CHL1: variants seen among roughly 807,000 people sequenced by gnomAD.
CHL1 encodes cell adhesion molecule L1 like.
In CHL1, 96 loss-of-function variants were observed where a neutral mutation model predicts 141.9. The ratio of observed to expected loss-of-function variants is 0.68; its 90% CI spans 0.57 to 0.80. The LOEUF (loss-of-function observed/expected upper bound fraction) is 0.80. Ranked by LOEUF, CHL1 falls within the 30% of genes least tolerant of loss-of-function variation. The pLI, the probability that CHL1 is intolerant of heterozygous loss-of-function variation, is 0.00. For synonymous variants in CHL1, 613 were observed against 502.2 expected, an observed-to-expected ratio of 1.22 and a Z score of -2.95; for missense variants, 1,820 against 1,457.2, an observed-to-expected ratio of 1.25 and a Z score of -4.05.
chr3:275,682 T>A (rs1463645414), intron 2 of CHL1, among the ~76,000 whole-genome samples: 1 of 152,168 alleles, frequency 6.6e-6, no homozygotes, highest in African/African-American at 2.4e-5. Flanking sequence ...ACTTCATATA[T>A]TCATGAGAAT....
chr3:314,615 A>G (rs1197394953), intron 2 of CHL1, among the ~76,000 whole-genome samples: 1 of 151,766 alleles, frequency 6.6e-6, no homozygotes, highest in East Asian at 1.9e-4. Context: ...CTCATCTAGG[A>G]TGGCTGCCAT....
chr3:400,489 A>G (rs926126180), intron 26 of CHL1, among the ~76,000 whole-genome samples: 1 of 151,946 alleles, frequency 6.6e-6, no homozygotes, highest in Non-Finnish European at 1.5e-5. Context: ...AAGAAAAAAA[A>G]AATTAGCATT....
chr3:325,864 T>C (rs570508080), intron 3 of CHL1, 95 bp from the exon 4 acceptor site: 272 of 684,082 alleles, frequency 4.0e-4, no homozygotes, highest in Non-Finnish European at 6.5e-4. Context: ...CTTTCACTTA[T>C]CAGTATACAA....
At chr3:258,439 G>A (rs967472907) in intron 2 of CHL1, among the ~76,000 whole-genome samples, 4 of 152,146 alleles carry the variant, frequency 2.6e-5, no homozygotes, top group African/African-American at 9.7e-5. Flanking sequence ...AGTCATGTTT[G>A]TAGGAGCCTC....
intron 14 of CHL1, chr3:364,021 C>T (rs965935762): frequency 6.6e-6 from 1 of 152,082 alleles, no homozygotes; most frequent in Non-Finnish European, 1.5e-5. Flanking sequence ...TTCTCACTTC[C>T]ACCTAGATAA....
chr3:298,196 T>C (rs1337533762), intron 2 of CHL1, among the ~76,000 whole-genome samples: 2 of 152,216 alleles, frequency 1.3e-5, no homozygotes, highest in Non-Finnish European at 2.9e-5. Context: ...ATAAAAAATG[T>C]GTTCTTTCAG....
intron 11 of CHL1, among the ~76,000 whole-genome samples, chr3:358,898 C>T (rs763493641): frequency 6.7e-6 from 1 of 150,222 alleles, no homozygotes; most frequent in African/African-American, 2.4e-5. Flanking sequence ...AAAATTTTTG[C>T]ATTTGTGCCC....
At chr3:208,512 A>G (rs753969110) in intron 1 of CHL1, among the ~76,000 whole-genome samples, 21 of 147,754 alleles carry the variant, frequency 1.4e-4, no homozygotes, top group Non-Finnish European at 1.5e-4. Flanking sequence ...GTGGGAGACT[A>G]GTTGAGCTAC....
intron 2 of CHL1, among the ~76,000 whole-genome samples, chr3:252,073 A>T (rs1235009889): frequency 6.6e-6 from 1 of 151,990 alleles, no homozygotes; most frequent in Admixed American, 6.6e-5. Context: ...GACCACCAGA[A>T]ATTTGTGTTA....
Position 394,730 on chromosome 3 carries a change from T to C in CHL1, c.2952T>C (p.Ile984=). Reference sequence around the variant, plus strand: ...ACGAGATTGGAGAATTAAATGATATTAACATTACAACTCCATCAAAGCCCA... The same window carrying C: ...ACGAGATTGGAGAATTAAATGATATCAACATTACAACTCCATCAAAGCCCA... The part of the protein sequence containing the change: ...DTYEIGELND[I]NITTPSKPSW... Residue 984 remains isoleucine (I), a synonymous_variant, in exon 24 of 28, where the codon ATT becomes ATC. Coordinates refer to ENST00000256509, the MANE Select transcript of CHL1 (RefSeq NM_006614.4). 1 of 1,613,318 alleles carries C rather than the reference T, an allele frequency of 6.2e-7. No individual in the cohort carries two copies. The highest frequency in any genetic ancestry group is 8.5e-7 in the Non-Finnish European group (1 of 1,179,588).
intron 3 of CHL1, among the ~76,000 whole-genome samples, chr3:324,430 T>C (rs980277663): frequency 6.6e-6 from 1 of 152,066 alleles, no homozygotes; most frequent in Non-Finnish European, 1.5e-5. Flanking sequence ...ATGTCTCCTT[T>C]TGAAAAATAT....
chr3:290,694 TCC>T (rs1224155240), intron 2 of CHL1, among the ~76,000 whole-genome samples: 2 of 152,144 alleles, frequency 1.3e-5, no homozygotes, highest in African/African-American at 4.8e-5. Flanking sequence ...TAAACCCCTT[TCC>T]TCATTTGGAA....
chr3:398,029 T>C (rs527396172), intron 24 of CHL1, among the ~76,000 whole-genome samples, 198 bp from the exon 25 acceptor site: 1 of 152,300 alleles, frequency 6.6e-6, no homozygotes, highest in East Asian at 1.9e-4. Context: ...ATGCATTGAG[T>C]TCATTTCATT....
At chr3:320,896 G>A (rs1262129950) in intron 3 of CHL1, among the ~76,000 whole-genome samples, 1 of 151,898 alleles carries the variant, frequency 6.6e-6, no homozygotes, top group African/African-American at 2.4e-5. Flanking sequence ...ATAATTTGGA[G>A]GGTTATTATA....
intron 2 of CHL1, among the ~76,000 whole-genome samples, chr3:250,811 G>C (rs1471480238): frequency 1.3e-5 from 2 of 152,104 alleles, no homozygotes; most frequent in African/African-American, 4.8e-5. Context: ...AAATGACAGT[G>C]AAAAGGAAGG....
chr3:321,695 T>A (rs114082671), intron 3 of CHL1, among the ~76,000 whole-genome samples: 1 of 152,116 alleles, frequency 6.6e-6, no homozygotes, highest in Non-Finnish European at 1.5e-5. Context: ...CAGTTACTTA[T>A]GCATTTTCAT....
At chr3:288,112 T>C (rs990940394) in intron 2 of CHL1, among the ~76,000 whole-genome samples, 2 of 152,152 alleles carry the variant, frequency 1.3e-5, no homozygotes, top group Non-Finnish European at 2.9e-5. Context: ...TGGATTCTGA[T>C]TGAAATATGT....
intron 1 of CHL1, among the ~76,000 whole-genome samples, chr3:203,449 A>G (rs545594867): frequency 4.6e-5 from 7 of 152,352 alleles, no homozygotes; most frequent in Admixed American, 2.6e-4. Context: ...TGGGTAAAAC[A>G]TGGCTTCCTC....
In CHL1 at chr3:406,044, T is replaced by C. The variant is rs1309559952; in HGVS notation, c.*333T>C. The C allele has an allele frequency of 8.5e-6, 2 of 236,210 alleles. No individual in the cohort carries two copies. Among genetic ancestry groups the C allele is most frequent in the Non-Finnish European group, 8.3e-6 (1 of 120,106 alleles). The allele number at this position is 236,210 out of a possible 1,614,324, so 14.6% of individuals were successfully genotyped here. A position where few individuals can be genotyped will look rare whatever the true frequency, so the allele number is the denominator to read the frequency against. Reference sequence around the variant, plus strand: ...GATTTTACTATTCGGTGTGTTTGCATAGATGTTGCTACTTGGTGGGTTTTT... The same window carrying C: ...GATTTTACTATTCGGTGTGTTTGCACAGATGTTGCTACTTGGTGGGTTTTT... On this transcript the variant is annotated 3_prime_UTR_variant, in exon 28 of 28. Coordinates refer to ENST00000256509, the MANE Select transcript of CHL1 (RefSeq NM_006614.4).
Sources: gnomAD v4.1 joint callset for allele counts (sites outside exome capture counted in the v4.1 genomes callset) on GRCh38, gnomAD v4.1.1 for gene constraint, MANE v1.5 for transcripts, NCBI Gene and HGNC (gene_info 2026-07-23, HGNC 2026-07-21) for gene names.